TTC9: variants seen among roughly 807,000 people sequenced by gnomAD.
TTC9 encodes the protein tetratricopeptide repeat domain 9.
A neutral mutation model predicts 22.9 loss-of-function variants in TTC9; 13 were observed. The ratio of observed to expected loss-of-function variants is 0.57; its 90% CI spans 0.37 to 0.90. The LOEUF (loss-of-function observed/expected upper bound fraction) is 0.90. Ranked by LOEUF, TTC9 falls within the 40% of genes least tolerant of loss-of-function variation. The probability of loss-of-function intolerance (pLI) is 0.01; values close to 1 mark genes in which losing one functional copy is unlikely to be tolerated. For missense variants in TTC9, 280 were observed against 291.8 expected (o/e 0.96, Z 0.29); for synonymous variants, 148 against 133.2 (o/e 1.11, Z -0.77).
intron 1 of TTC9, among the ~76,000 whole-genome samples, chr14:70,651,252 G>A (rs1472777582): frequency 6.6e-6 from 1 of 151,262 alleles, no homozygotes; most frequent in Non-Finnish European, 1.5e-5. Context: ...AGCATGCTGG[G>A]ATTACAGGCG....
chr14:70,653,292 G>A (rs961658903), intron 1 of TTC9, among the ~76,000 whole-genome samples: 4 of 152,176 alleles, frequency 2.6e-5, no homozygotes, highest in Non-Finnish European at 5.9e-5. Context: ...AAGGCTATGG[G>A]GAAACACGGG....
At chr14:70,643,317 A>G (rs73286096) in intron 1 of TTC9, among the ~76,000 whole-genome samples, 2,947 of 152,288 alleles carry the variant, frequency 0.019, 101 homozygotes, top group African/African-American at 0.068. Context: ...ACATTCCAAC[A>G]TTCCCTTTGG....
At chr14:70,662,496 C>G (rs545114114) in intron 1 of TTC9, among the ~76,000 whole-genome samples, 2 of 151,628 alleles carry the variant, frequency 1.3e-5, no homozygotes, top group African/African-American at 4.8e-5. Flanking sequence ...CTTTACCAGT[C>G]TGATTGTCCT....
At chr14:70,649,328 T>G (rs1885946918) in intron 1 of TTC9, among the ~76,000 whole-genome samples, 2 of 152,236 alleles carry the variant, frequency 1.3e-5, no homozygotes, top group Non-Finnish European at 2.9e-5. Context: ...TCCAATAAAT[T>G]CAATCATTCC....
At chr14:70,668,842 CCT>C (rs1482769600) in intron 2 of TTC9, among the ~76,000 whole-genome samples, 7 of 117,018 alleles carry the variant, frequency 6.0e-5, no homozygotes, top group Middle Eastern at 8.1e-3. Context: ...CAGAACAAGA[CCT>C]TGTCTAAAAA....
intron 1 of TTC9, among the ~76,000 whole-genome samples, chr14:70,666,680 T>C (rs754648558): frequency 2.2e-4 from 33 of 152,360 alleles, no homozygotes; most frequent in Non-Finnish European, 3.7e-4. Flanking sequence ...TTTCACGTTG[T>C]GTGGACTTGG....
chr14:70,656,178 C>A (rs12890201), intron 1 of TTC9, among the ~76,000 whole-genome samples: 20,099 of 149,802 alleles, frequency 0.13, 1,542 homozygotes, highest in Non-Finnish European at 0.18. Context: ...AGGAGCAGAA[C>A]TTTTAAAAGA....
chr14:70,670,935 C>T (rs1886285019), intron 2 of TTC9, 141 bp from the exon 3 acceptor site: 2 of 672,030 alleles, frequency 3.0e-6, no homozygotes, highest in Middle Eastern at 3.2e-4. Flanking sequence ...GCCCTCTCAG[C>T]CACCATGGAT....
chr14:70,642,186 C>A lies in TTC9; in HGVS notation c.57C>A (p.Ala19=). 8.2e-7 allele frequency: 1 copy of A among 1,217,732 alleles called. No homozygotes were observed. Among genetic ancestry groups the A allele is most frequent in the South Asian group, 4.1e-5 (1 of 24,406 alleles). 75.4% of individuals were successfully genotyped at this position (1,217,732 alleles called of 1,614,324 possible). Reference sequence around the variant, plus strand: ...AGGGGAACCCGAGCCCGCCCGCGGCCGGAGAGGGGCAGCGGCCACCGCCGC... The same window carrying A: ...AGGGGAACCCGAGCCCGCCCGCGGCAGGAGAGGGGCAGCGGCCACCGCCGC... ...GAKGNPSPPA[A]GEGQRPPPPL... is the part of the protein sequence containing the mutation. Residue 19 remains alanine (A), a synonymous_variant, in exon 1 of 3, where the codon GCC becomes GCA. Coordinates refer to ENST00000256367, the MANE Select transcript of TTC9 (RefSeq NM_015351.2).
At chr14:70,656,191 AAAT>A (rs1886063161) in intron 1 of TTC9, among the ~76,000 whole-genome samples, 4 of 147,836 alleles carry the variant, frequency 2.7e-5, no homozygotes, top group African/African-American at 1.0e-4. Flanking sequence ...TTAAAAGAAA[AAAT>A]AATTCTTCAC....
intron 1 of TTC9, among the ~76,000 whole-genome samples, chr14:70,652,893 G>T (rs1168521034): frequency 6.6e-6 from 1 of 152,190 alleles, no homozygotes; most frequent in Non-Finnish European, 1.5e-5. Flanking sequence ...CCATGAGGAT[G>T]GAAGGAAGAT....
chr14:70,664,727 T>A (rs866482145), intron 1 of TTC9, among the ~76,000 whole-genome samples: 3 of 141,088 alleles, frequency 2.1e-5, no homozygotes, highest in African/African-American at 5.3e-5. Flanking sequence ...TGACTCCATT[T>A]AAAAAAAAAA....
At chr14:70,643,075 C>G (rs912315016) in intron 1 of TTC9, among the ~76,000 whole-genome samples, 4 of 152,242 alleles carry the variant, frequency 2.6e-5, no homozygotes, top group African/African-American at 9.6e-5. Context: ...GCATCTTGAG[C>G]AAAATGGATT....
At chr14:70,658,086 C>T (rs1886091969) in intron 1 of TTC9, among the ~76,000 whole-genome samples, 1 of 152,188 alleles carries the variant, frequency 6.6e-6, no homozygotes, top group Non-Finnish European at 1.5e-5. Flanking sequence ...GGGTTTCCAC[C>T]ATTACCACCA....
At chr14:70,654,754 C>T (rs1301783669) in intron 1 of TTC9, among the ~76,000 whole-genome samples, 3 of 152,112 alleles carry the variant, frequency 2.0e-5, no homozygotes, top group Admixed American at 6.5e-5. Context: ...CTCCCAAGCC[C>T]GAATAGGCTC....
intron 1 of TTC9, among the ~76,000 whole-genome samples, chr14:70,659,829 C>G (rs778008914): frequency 6.6e-6 from 1 of 152,144 alleles, no homozygotes; most frequent in Non-Finnish European, 1.5e-5. Context: ...AGCACAGTCT[C>G]AGGTGCCAGA....
At chr14:70,655,947 C>T (rs1326235974) in intron 1 of TTC9, among the ~76,000 whole-genome samples, 2 of 152,056 alleles carry the variant, frequency 1.3e-5, no homozygotes, top group African/African-American at 4.8e-5. Flanking sequence ...TCTTTCTCCC[C>T]GCCAGCTCCT....
intron 1 of TTC9, among the ~76,000 whole-genome samples, chr14:70,651,958 A>T (rs962955176): frequency 2.2e-5 from 3 of 133,522 alleles, no homozygotes; most frequent in Admixed American, 7.2e-5. Flanking sequence ...TTTCTGGTTT[A>T]AAAAAAAAAA....
At chr14:70,654,339 C>A in intron 1 of TTC9, among the ~76,000 whole-genome samples, 1 of 151,826 alleles carries the variant, frequency 6.6e-6, no homozygotes. Flanking sequence ...GCCTGTAATC[C>A]CAGCAGTTTG....
Sources: allele counts gnomAD v4.1 joint callset (sites outside exome capture counted in the v4.1 genomes callset), GRCh38; gene constraint gnomAD v4.1.1; transcripts MANE v1.5; gene names NCBI Gene and HGNC (gene_info 2026-07-23, HGNC 2026-07-21).